The following SLIT3 variants were observed in gnomAD, a reference collection of about 807,000 sequenced individuals.
SLIT3 encodes slit homolog 3 protein.
SLIT3 carries 68 observed loss-of-function variants against 184.0 expected under a neutral mutation model. The ratio of observed to expected loss-of-function variants is 0.37; its 90% CI spans 0.30 to 0.45. The LOEUF (loss-of-function observed/expected upper bound fraction) is 0.45, where lower values mean the gene tolerates loss of function less well. SLIT3 is among the 20% of genes least tolerant of loss of function. SLIT3 has a pLI of 1.00. For missense variants in SLIT3, 1,707 were observed against 2,026.0 expected (o/e 0.84, Z 3.02); for synonymous variants, 831 against 828.6 (o/e 1.00, Z -0.05).
chr5:168,881,721 G>A (rs1759959790), intron 5 of SLIT3, among the ~76,000 whole-genome samples: 1 of 152,210 alleles, frequency 6.6e-6, no homozygotes, highest in East Asian at 1.9e-4. Context: ...TGTTAAAAGT[G>A]CCAGTTCAGG....
intron 4 of SLIT3, among the ~76,000 whole-genome samples, chr5:169,023,165 A>G (rs1459298241): frequency 6.6e-6 from 1 of 152,116 alleles, no homozygotes; most frequent in Non-Finnish European, 1.5e-5. Context: ...GAATTGCATG[A>G]GTGTGTACAT....
rs554680260 is a variant in SLIT3 at position 169,074,640 on chromosome 5, G to A, written c.413+118839C>T. Among the ~76,000 whole-genome samples, 5 of 152,290 alleles carry A rather than the reference G, an allele frequency of 3.3e-5. No individual in the cohort carries two copies. The South Asian group carries it at 8.3e-4, about 25-fold the overall frequency. On this transcript the variant is annotated intron_variant, in intron 4 of 35. Coordinates refer to ENST00000519560, the MANE Select transcript of SLIT3 (RefSeq NM_003062.4). ...ACCTTTTCCTTCTGCTGCCTCCTAA[G>A]ATGCAGACTTAAGTATGGATTTCAA...
At chr5:168,897,646 G>GCGCGCGCACACACACACA in intron 4 of SLIT3, among the ~76,000 whole-genome samples, 36 of 105,444 alleles carry the variant, frequency 3.4e-4, no homozygotes, top group African/African-American at 1.5e-3. Context: ...ACAGGTGCAC[G>GCGCGCGCACACACACACA]TACACACACA....
intron 1 of SLIT3, among the ~76,000 whole-genome samples, chr5:169,283,363 T>C (rs751346): frequency 0.78 from 118,815 of 152,148 alleles, 46,553 homozygotes; most frequent in African/African-American, 0.84. Context: ...TCTATGCTTT[T>C]GAAAGTGCTT....
At position 168,716,478 on chromosome 5, in the gene SLIT3, T is replaced by C. The variant is rs534583827; in HGVS notation, c.2484-4124A>G. ...GTGGTTCAGAAGCACTCAGTCACAT[T>C]AGCTATGATGATTGTTATCACTGTC... On this transcript the variant is annotated intron_variant, in intron 23 of 35. Coordinates refer to ENST00000519560, the MANE Select transcript of SLIT3 (RefSeq NM_003062.4). Among the ~76,000 whole-genome samples, 37 of 152,340 alleles carry C rather than the reference T, an allele frequency of 2.4e-4. No homozygotes were observed. The South Asian group carries it at 7.5e-3, about 31-fold the overall frequency.
intron 28 of SLIT3, among the ~76,000 whole-genome samples, chr5:168,694,156 A>G (rs1211778574): frequency 6.6e-6 from 1 of 152,164 alleles, no homozygotes. Context: ...GACACCAGGT[A>G]GGCCTCAACT....
chr5:168,756,774 T>C (rs1483459691), intron 16 of SLIT3, among the ~76,000 whole-genome samples: 1 of 152,092 alleles, frequency 6.6e-6, no homozygotes. Flanking sequence ...TGCTCCAGAG[T>C]TGAGCTTCTT....
intron 3 of SLIT3, among the ~76,000 whole-genome samples, chr5:169,213,621 A>G (rs1764343321): frequency 1.3e-5 from 2 of 152,136 alleles, no homozygotes; most frequent in African/African-American, 4.8e-5. Context: ...CTGCAACTCC[A>G]TTCCTGAGCT....
intron 19 of SLIT3, 93 bp downstream of exon 19, chr5:168,749,379 T>C (rs1754615608): frequency 6.9e-7 from 1 of 1,448,092 alleles, no homozygotes; most frequent in African/African-American, 1.4e-5. Context: ...CAAAGTGGAA[T>C]TGGATCTCAG....
intron 22 of SLIT3, 75 bp from the exon 23 acceptor site, chr5:168,722,402 G>A (rs1581005253): frequency 7.8e-7 from 1 of 1,281,422 alleles, no homozygotes; most frequent in East Asian, 2.3e-5. Flanking sequence ...TTCACGTTGT[G>A]AAACAAAGCA....
At chr5:169,228,428 G>A (rs927227573) in intron 3 of SLIT3, among the ~76,000 whole-genome samples, 1 of 152,136 alleles carries the variant, frequency 6.6e-6, no homozygotes. Flanking sequence ...AAGGAGTGAC[G>A]ACTGCCCGGA....
intron 4 of SLIT3, among the ~76,000 whole-genome samples, chr5:169,043,334 T>C (rs1315382163): frequency 2.6e-5 from 4 of 152,210 alleles, no homozygotes; most frequent in African/African-American, 9.6e-5. Context: ...TTAAATTTGC[T>C]AGAAAAGTTT....
At chr5:168,777,325 GA>G (rs2113551442) in intron 12 of SLIT3, among the ~76,000 whole-genome samples, 1 of 152,264 alleles carries the variant, frequency 6.6e-6, no homozygotes, top group South Asian at 2.1e-4. Context: ...ATTTAGGTTT[GA>G]AACCCCAGTG....
intron 6 of SLIT3, among the ~76,000 whole-genome samples, chr5:168,835,457 T>C (rs933499971): frequency 5.3e-5 from 8 of 151,568 alleles, no homozygotes; most frequent in Non-Finnish European, 1.2e-4. Context: ...CATCCCTCCT[T>C]CATCCACCAT....
intron 1 of SLIT3, among the ~76,000 whole-genome samples, chr5:169,296,321 A>C (rs967984440): frequency 6.6e-6 from 1 of 152,234 alleles, no homozygotes; most frequent in Non-Finnish European, 1.5e-5. Flanking sequence ...CCAGTGGACT[A>C]TAACCACTAA....
At chr5:168,756,970 G>A (rs533923518) in intron 16 of SLIT3, among the ~76,000 whole-genome samples, 1 of 152,258 alleles carries the variant, frequency 6.6e-6, no homozygotes, top group East Asian at 1.9e-4. Flanking sequence ...CAGAAGGAGA[G>A]TAAAAAAGAG....
chr5:168,937,189 G>A (rs926904722), intron 4 of SLIT3, among the ~76,000 whole-genome samples: 6 of 152,062 alleles, frequency 3.9e-5, no homozygotes, highest in Non-Finnish European at 8.8e-5. Context: ...GAAGGTCAGT[G>A]CACCCAGAGC....
At chr5:168,939,802 C>T (rs963293354) in intron 4 of SLIT3, among the ~76,000 whole-genome samples, 2 of 152,214 alleles carry the variant, frequency 1.3e-5, no homozygotes, top group Non-Finnish European at 2.9e-5. Context: ...TTATCCTTGT[C>T]TTAATCTTAA....
At chr5:168,992,992 GA>G (rs1755384229) in intron 4 of SLIT3, 1 of 152,206 alleles carries the variant, frequency 6.6e-6, no homozygotes, top group South Asian at 2.1e-4. Context: ...CTCTTCACTG[GA>G]AAGGGTGACG....
Sources: gnomAD v4.1 joint callset for allele counts (sites outside exome capture counted in the v4.1 genomes callset) on GRCh38, gnomAD v4.1.1 for gene constraint, MANE v1.5 for transcripts, NCBI Gene and HGNC (gene_info 2026-07-23, HGNC 2026-07-21) for gene names.